Variants in PRKCA observed in about 807,000 individuals in gnomAD.
PRKCA encodes protein kinase C alpha type.
In PRKCA, 27 loss-of-function variants were observed where a neutral mutation model predicts 87.0. The observed-to-expected ratio is 0.31, with a 90% CI of 0.23 to 0.43. The LOEUF (loss-of-function observed/expected upper bound fraction) is 0.43, where lower values mean the gene tolerates loss of function less well. Ranked by LOEUF, PRKCA falls within the 20% of genes least tolerant of loss-of-function variation. The pLI, the probability that PRKCA is intolerant of heterozygous loss-of-function variation, is 1.00. For missense variants in PRKCA, 518 were observed against 852.3 expected (o/e 0.61, Z 4.88); for synonymous variants, 329 against 311.1 (o/e 1.06, Z -0.61).
At chr17:66,350,085 G>A (rs1026871449) in intron 2 of PRKCA, among the ~76,000 whole-genome samples, 74 of 152,332 alleles carry the variant, frequency 4.9e-4, no homozygotes, top group Middle Eastern at 3.4e-3. Context: ...TCCTCAGAGC[G>A]ATGGCCTTTC....
intron 2 of PRKCA, among the ~76,000 whole-genome samples, chr17:66,393,072 A>C (rs1361109268): frequency 6.6e-6 from 1 of 152,188 alleles, no homozygotes; most frequent in Non-Finnish European, 1.5e-5. Context: ...GAATGACAAC[A>C]GCTTGTGTGA....
rs376491082 is a variant in PRKCA, at chr17:66,623,648, C to T, written c.289-17707C>T. Among the ~76,000 whole-genome samples, 217 of 152,044 alleles carry T rather than the reference C, an allele frequency of 1.4e-3. 1 individual carries two copies. Among genetic ancestry groups the T allele is most frequent in the African/African-American group, 5.0e-3 (206 of 41,444 alleles). ...AGCAAGGCAGATCAGGTCCCTGCTACGTGTAGAATTTACATTTTAAAGAAA... is the reference window on the plus strand; with the variant it reads ...AGCAAGGCAGATCAGGTCCCTGCTATGTGTAGAATTTACATTTTAAAGAAA... On this transcript the variant is annotated intron_variant, in intron 3 of 16. Transcript: ENST00000413366.
intron 3 of PRKCA, among the ~76,000 whole-genome samples, chr17:66,597,699 G>C (rs1267759126): frequency 4.5e-5 from 1 of 22,334 alleles, no homozygotes; most frequent in Non-Finnish European, 7.3e-5. Flanking sequence ...TTCTTCTAGG[G>C]TTTTTATGGT....
At chr17:66,473,352 C>T (rs547450745) in intron 2 of PRKCA, among the ~76,000 whole-genome samples, 3 of 152,156 alleles carry the variant, frequency 2.0e-5, no homozygotes, top group Non-Finnish European at 2.9e-5. Context: ...CTGGCTTGCT[C>T]ACATGAAACA....
intron 2 of PRKCA, among the ~76,000 whole-genome samples, chr17:66,412,167 G>A (rs1911850738): frequency 6.6e-6 from 1 of 151,944 alleles, no homozygotes; most frequent in African/African-American, 2.4e-5. Context: ...GACTTCCTGA[G>A]CTCAGGTGAT....
chr17:66,687,120 CA>C lies in PRKCA; in HGVS notation c.545del (p.Asn182IlefsTer2), dbSNP rs773101122. 18 of 1,611,120 alleles carry C rather than the reference CA, an allele frequency of 1.1e-5. No individual in the cohort carries two copies. Among genetic ancestry groups the C allele is most frequent in the Non-Finnish European group, 1.7e-6 (2 of 1,177,784 alleles). On this transcript the variant is annotated frameshift_variant, in exon 6 of 17. Coordinates refer to ENST00000413366, the MANE Select transcript of PRKCA (RefSeq NM_002737.3). LOFTEE classifies it high-confidence loss of function. ...CCTTCTCTCTTCACAGTACGAGATG[CA>C]AAAAATCTAATCCCTATGGATCCAA... is the stretch of plus-strand genomic sequence containing the variant. ...DEKLHVTVRDAKNLIPMDPNG... is the reference protein window; with the variant it reads ...DEKLHVTVRDXKNLIPMDPNG...
At chr17:66,332,597 C>T (rs573392573) in intron 2 of PRKCA, among the ~76,000 whole-genome samples, 3 of 152,078 alleles carry the variant, frequency 2.0e-5, no homozygotes, top group East Asian at 1.9e-4. Flanking sequence ...GGGAGGGGCA[C>T]GTTAGCATCT....
chr17:66,376,666 A>T (rs1909433949), intron 2 of PRKCA, among the ~76,000 whole-genome samples: 1 of 151,784 alleles, frequency 6.6e-6, no homozygotes. Context: ...GGACCCCTCC[A>T]CCCCAGCTCT....
chr17:66,437,733 A>AGGGGGG (rs1567828446), intron 2 of PRKCA, among the ~76,000 whole-genome samples: 1 of 3,770 alleles, frequency 2.7e-4, no homozygotes, highest in Non-Finnish European at 4.6e-4. Context: ...TTTTTTTTTG[A>AGGGGGG]GCGGGGGGTG....
chr17:66,798,131 C>T (rs926801405), intron 16 of PRKCA, among the ~76,000 whole-genome samples: 2 of 152,100 alleles, frequency 1.3e-5, no homozygotes, highest in African/African-American at 4.8e-5. Context: ...ATTCACTTGG[C>T]GTTCATGCAG....
intron 3 of PRKCA, among the ~76,000 whole-genome samples, chr17:66,575,307 G>A (rs1969200394): frequency 6.6e-6 from 1 of 152,236 alleles, no homozygotes; most frequent in Non-Finnish European, 1.5e-5. Context: ...GGCCAGGTGT[G>A]GTAGCTCATG....
Position 66,784,832 on chromosome 17 carries a change from G to C in PRKCA, c.1606-2035G>C, listed in dbSNP as rs545437503. 1.5e-3 allele frequency among the ~76,000 whole-genome samples: 228 copies of C among 152,228 alleles called. 1 individual carries two copies. The highest frequency in any genetic ancestry group is 5.4e-3 in the African/African-American group (223 of 41,548). On this transcript the variant is annotated intron_variant, in intron 14 of 16. Transcript: ENST00000413366. ...ACAGGTAGCTGTCCCTGCTGACACAGGTGGCCGTCGGCAGCCTGCACCCCC... is the reference window on the plus strand; with the variant it reads ...ACAGGTAGCTGTCCCTGCTGACACACGTGGCCGTCGGCAGCCTGCACCCCC...
At position 66,398,254 on chromosome 17, in the gene PRKCA, C is replaced by T. The variant is rs530505818; in HGVS notation, c.205+92127C>T. On this transcript the variant is annotated intron_variant, in intron 2 of 16. Transcript: ENST00000413366. ...ATGAAACAGACTAAAATCAGAGTAA[C>T]GCTTAAAACCATGAAGATTCCAGCC... 6.6e-5 allele frequency: 10 copies of T among 152,250 alleles called. No individual in the cohort carries two copies. The South Asian group carries it at 1.0e-3, about 16-fold the overall frequency. 9.4% of individuals were successfully genotyped at this position (152,250 alleles called of 1,614,324 possible). A position where few individuals can be genotyped will look rare whatever the true frequency, so the allele number is the denominator to read the frequency against.
intron 2 of PRKCA, among the ~76,000 whole-genome samples, chr17:66,343,276 T>G (rs1412087575): frequency 6.6e-6 from 1 of 152,228 alleles, no homozygotes; most frequent in Non-Finnish European, 1.5e-5. Flanking sequence ...CACTGTGGGC[T>G]GTTCATAATT....
chr17:66,652,597 G>A (rs568385977), intron 5 of PRKCA, among the ~76,000 whole-genome samples: 36 of 152,246 alleles, frequency 2.4e-4, no homozygotes, highest in African/African-American at 7.7e-4. Flanking sequence ...AGAAGAGAGC[G>A]TGTGTGCAGG....
chr17:66,317,527 A>T (rs1169380594), intron 2 of PRKCA, among the ~76,000 whole-genome samples: 1 of 152,066 alleles, frequency 6.6e-6, no homozygotes, highest in Non-Finnish European at 1.5e-5. Context: ...GAAATTGGGG[A>T]GATTTAGTGA....
chr17:66,436,250 A>C (rs998471916), intron 2 of PRKCA, among the ~76,000 whole-genome samples: 2 of 152,160 alleles, frequency 1.3e-5, no homozygotes, highest in African/African-American at 2.4e-5. Flanking sequence ...AGCAGGGGGA[A>C]GTCTTAGCAC....
chr17:66,585,897 G>A (rs1423212311), intron 3 of PRKCA, among the ~76,000 whole-genome samples: 3 of 152,186 alleles, frequency 2.0e-5, no homozygotes, highest in African/African-American at 4.8e-5. Context: ...CTCAATATGT[G>A]TCCTTGAGTC....
At chr17:66,588,446 A>G (rs1385458516) in intron 3 of PRKCA, among the ~76,000 whole-genome samples, 16 of 152,050 alleles carry the variant, frequency 1.1e-4, no homozygotes, top group Admixed American at 1.0e-3. Flanking sequence ...AAATATTTTG[A>G]TGAAAGAAAA....
Sources: allele counts gnomAD v4.1 joint callset (sites outside exome capture counted in the v4.1 genomes callset), GRCh38; gene constraint gnomAD v4.1.1; transcripts MANE v1.5; gene names NCBI Gene and HGNC (gene_info 2026-07-23, HGNC 2026-07-21).